RHEB: variants seen among roughly 807,000 people sequenced by gnomAD.
RHEB encodes the protein GTP-binding protein Rheb.
RHEB carries 2 observed loss-of-function variants against 28.8 expected under a neutral mutation model. That is an observed-to-expected ratio of 0.07 (90% CI 0.03 to 0.22). RHEB has a LOEUF of 0.22. Among genes scored for constraint, RHEB ranks in the 10% least tolerant of loss-of-function variants. The pLI is 1.00. For synonymous variants in RHEB, 69 were observed against 77.3 expected (o/e 0.89, Z 0.56); for missense variants, 76 against 219.9 (o/e 0.35, Z 4.14).
rs771284271 is a variant in RHEB, at chr7:151,471,609, T to C, written c.276-4A>G. The C allele has an allele frequency of 1.3e-6, 2 of 1,574,790 alleles. No homozygotes were observed. Among genetic ancestry groups the C allele is most frequent in the Admixed American group, 1.8e-5 (1 of 56,374 alleles). On this transcript the variant is annotated splice_region_variant and splice_polypyrimidine_tract_variant and intron_variant, in intron 4 of 7. Transcript: ENST00000262187. ...GATAACTTTAATCACTTCAAAACTA[T>C]AAAACAAAAAGTATAAATTAGACAT...
intron 7 of RHEB, 89 bp downstream of exon 7, chr7:151,470,482 C>G: frequency 1.2e-6 from 1 of 838,238 alleles, no homozygotes; most frequent in Non-Finnish European, 2.0e-6. Context: ...CAGGAGTGAT[C>G]AAGACAGAGG....
chr7:151,516,935 A>G (rs1803091597), intron 1 of RHEB, among the ~76,000 whole-genome samples: 1 of 152,178 alleles, frequency 6.6e-6, no homozygotes, highest in Non-Finnish European at 1.5e-5. Context: ...CATGCCAGTA[A>G]GCTCCCAGAA....
intron 4 of RHEB, among the ~76,000 whole-genome samples, chr7:151,476,838 T>C (rs1178726240): frequency 6.6e-6 from 1 of 152,194 alleles, no homozygotes; most frequent in Non-Finnish European, 1.5e-5. Flanking sequence ...AGAGGAGACA[T>C]GAAATACGTA....
At chr7:151,516,797 G>GTTTTTTA (rs749111998) in intron 1 of RHEB, among the ~76,000 whole-genome samples, 1 of 152,052 alleles carries the variant, frequency 6.6e-6, no homozygotes, top group Non-Finnish European at 1.5e-5. Flanking sequence ...TCTAAGAAAG[G>GTTTTTTA]TGTGGAGGCT....
At chr7:151,519,293 C>T (rs1308955430) in intron 1 of RHEB, 167 bp downstream of exon 1, 1 of 372,314 alleles carries the variant, frequency 2.7e-6, no homozygotes, top group East Asian at 6.2e-5. Context: ...CGGACGCCGC[C>T]CCGACCGCCA....
chr7:151,516,881 G>T (rs55668109), intron 1 of RHEB, among the ~76,000 whole-genome samples: 77,807 of 151,758 alleles, frequency 0.51, 20,061 homozygotes, highest in South Asian at 0.6. Flanking sequence ...TAGAAACACA[G>T]GTACTCAAAT....
At chr7:151,486,555 C>T (rs1268369004) in intron 2 of RHEB, among the ~76,000 whole-genome samples, 1 of 152,134 alleles carries the variant, frequency 6.6e-6, no homozygotes, top group African/African-American at 2.4e-5. Flanking sequence ...AGCTAAAGCT[C>T]AGAGAGAACG....
chr7:151,474,543 T>C (rs562500149), intron 4 of RHEB, among the ~76,000 whole-genome samples: 31 of 152,274 alleles, frequency 2.0e-4, no homozygotes, highest in Non-Finnish European at 3.8e-4. Context: ...TACTCCTATA[T>C]CAATATACCC....
At chr7:151,477,486 T>TC in intron 3 of RHEB, 71 bp from the exon 4 acceptor site, 1 of 837,158 alleles carries the variant, frequency 1.2e-6, no homozygotes, top group Non-Finnish European at 2.0e-6. Context: ...CCAAAGTTTT[T>TC]CATGTATTAC....
In RHEB at chr7:151,466,074, T is replaced by C. The variant is rs528050788; in HGVS notation, c.*1045A>G. The C allele has an allele frequency of 1.3e-5, 2 of 152,368 alleles. No homozygotes were observed. Among genetic ancestry groups the C allele is most frequent in the East Asian group, 1.9e-4 (1 of 5,194 alleles). 9.4% of individuals were successfully genotyped at this position (152,368 alleles called of 1,614,324 possible). A position where few individuals can be genotyped will look rare whatever the true frequency, so the allele number is the denominator to read the frequency against. On this transcript the variant is annotated 3_prime_UTR_variant, in exon 8 of 8. Transcript: ENST00000262187. ...GTAACATTTGCTTACGTATTAGAAA[T>C]AGCCCTGTGAAATTTTAGCTGCAAA... is the stretch of plus-strand genomic sequence containing the variant.
chr7:151,492,901 C>T (rs1738082677), intron 1 of RHEB, among the ~76,000 whole-genome samples: 1 of 139,948 alleles, frequency 7.1e-6, no homozygotes, highest in Non-Finnish European at 1.5e-5. Context: ...TGCAGTGGTG[C>T]AATCTTGGCT....
Position 151,468,416 on chromosome 7 carries a change from C to T in RHEB, c.463-1205G>A, listed in dbSNP as rs530257926. Reference sequence around the variant, plus strand: ...GCTGGCACGGTGCCCGCGGCCACACCGTAAACGCTGCCCAGGGAAAACACA... The same window carrying T: ...GCTGGCACGGTGCCCGCGGCCACACTGTAAACGCTGCCCAGGGAAAACACA... On this transcript the variant is annotated intron_variant, in intron 7 of 7. Transcript: ENST00000262187. This position sits in a 1 kb window ranked among gnomAD's most constrained non-coding sequence, Gnocchi z 4.3. Among the ~76,000 whole-genome samples, 8 of 152,316 alleles carry T rather than the reference C, an allele frequency of 5.3e-5. No individual in the cohort carries two copies. The highest frequency in any genetic ancestry group is 1.3e-4 in the Admixed American group (2 of 15,300).
At chr7:151,508,047 A>G (rs1412420712) in intron 1 of RHEB, among the ~76,000 whole-genome samples, 1 of 152,228 alleles carries the variant, frequency 6.6e-6, no homozygotes, top group Non-Finnish European at 1.5e-5. Flanking sequence ...TAGCCCTGAT[A>G]AACTGCAGGA....
chr7:151,506,887 T>C (rs1802891685), intron 1 of RHEB, among the ~76,000 whole-genome samples: 1 of 152,142 alleles, frequency 6.6e-6, no homozygotes, highest in African/African-American at 2.4e-5. Flanking sequence ...AGGCGGGGCA[T>C]TCTCCCTTTC....
At chr7:151,501,466 T>A (rs1802770744) in intron 1 of RHEB, among the ~76,000 whole-genome samples, 1 of 152,196 alleles carries the variant, frequency 6.6e-6, no homozygotes, top group South Asian at 2.1e-4. Flanking sequence ...TGCTAGGACG[T>A]GGAGCAACCT....
intron 1 of RHEB, among the ~76,000 whole-genome samples, chr7:151,512,390 TA>T (rs1050348661): frequency 6.6e-6 from 1 of 152,214 alleles, no homozygotes; most frequent in Non-Finnish European, 1.5e-5. Context: ...TACTCGTATT[TA>T]AAAACTATAT....
At chr7:151,502,547 A>G in intron 1 of RHEB, 1 of 1,035,984 alleles carries the variant, frequency 9.7e-7, no homozygotes. Context: ...ACCAATTAAT[A>G]CGTCATTGTA....
At position 151,485,014 on chromosome 7, in the gene RHEB, G is replaced by T. The variant is rs186480680; in HGVS notation, c.125-210C>A. Among the ~76,000 whole-genome samples the T allele has an allele frequency of 1.1e-4, 17 of 152,226 alleles. No homozygotes were observed. In the East Asian group the frequency reaches 2.3e-3, roughly 21 times the overall value. Reference sequence around the variant, plus strand: ...AAATACGGTGACTGGCTAAAATCAAGCTTGGTAAACCTTGATTCTTTTTCA... The same window carrying T: ...AAATACGGTGACTGGCTAAAATCAATCTTGGTAAACCTTGATTCTTTTTCA... On this transcript the variant is annotated intron_variant, in intron 2 of 7. Coordinates refer to ENST00000262187, the MANE Select transcript of RHEB (RefSeq NM_005614.4).
intron 1 of RHEB, among the ~76,000 whole-genome samples, chr7:151,498,663 TC>T (rs1802715676): frequency 6.6e-6 from 1 of 152,116 alleles, no homozygotes; most frequent in Non-Finnish European, 1.5e-5. Context: ...AGCTGTGACT[TC>T]TGGATGTCTA....
Sources: allele counts gnomAD v4.1 joint callset (sites outside exome capture counted in the v4.1 genomes callset), GRCh38; gene constraint gnomAD v4.1.1; non-coding constraint Gnocchi (gnomAD v3.1); transcripts MANE v1.5; gene names NCBI Gene and HGNC (gene_info 2026-07-23, HGNC 2026-07-21).